CIMAP1C: variants seen among roughly 807,000 people sequenced by gnomAD.
CIMAP1C encodes outer dense fiber of sperm tails 3 like 1.
the CIMAP1C span, chr15:75,724,385 C>G: frequency 4.8e-6 from 5 of 1,045,240 alleles, no homozygotes; most frequent in Non-Finnish European, 7.5e-6. Context: ...CAGCCTGCCT[C>G]CTGCAAAGCC....
chr15:75,727,125 GGGCT>G, the CIMAP1C span: 1 of 1,613,982 alleles, frequency 6.2e-7, no homozygotes, highest in Non-Finnish European at 8.5e-7. Flanking sequence ...GGGGAACGCA[GGGCT>G]CCCCAGTACA....
chr15:75,724,830 A>G, the CIMAP1C span, among the ~76,000 whole-genome samples: 1 of 152,232 alleles, frequency 6.6e-6, no homozygotes, highest in African/African-American at 2.4e-5. Context: ...GAAATAATCC[A>G]CGTCGGATGC....
chr15:75,725,186 C>A, the CIMAP1C span: 1 of 1,613,892 alleles, frequency 6.2e-7, no homozygotes, highest in Non-Finnish European at 8.5e-7. Context: ...AAGGCACCAG[C>A]TTATACCCTG....
the CIMAP1C span, chr15:75,727,265 T>C: frequency 1.2e-6 from 2 of 1,614,064 alleles, no homozygotes; most frequent in African/African-American, 1.3e-5. Context: ...CAGTCTGGCC[T>C]CCAGGGACAA....
At chr15:75,724,254 A>G in the CIMAP1C span, 4 of 1,614,146 alleles carry the variant, frequency 2.5e-6, no homozygotes, top group Non-Finnish European at 3.4e-6. Flanking sequence ...GCACCCAGAA[A>G]AGGAGCCATT....
the CIMAP1C span, chr15:75,727,245 C>T: frequency 1.1e-5 from 18 of 1,614,188 alleles, no homozygotes; most frequent in Non-Finnish European, 1.2e-5. Context: ...AGCCGAGCTG[C>T]TCCCTGCTAC....
the CIMAP1C span, chr15:75,727,636 G>T: frequency 8.1e-7 from 1 of 1,239,768 alleles, no homozygotes; most frequent in Non-Finnish European, 1.1e-6. Context: ...AGCAGAGCCG[G>T]TACCTGCTGA....
chr15:75,725,253 T>G, the CIMAP1C span: 4 of 1,453,596 alleles, frequency 2.8e-6, no homozygotes, highest in Non-Finnish European at 3.9e-6. Flanking sequence ...CGGCTGGGGT[T>G]GGAGCTGTTG....
the CIMAP1C span, chr15:75,724,210 C>G: frequency 6.2e-7 from 1 of 1,613,492 alleles, no homozygotes; most frequent in East Asian, 2.2e-5. Flanking sequence ...ATGAAACTGC[C>G]CAAGGGGACC....
the CIMAP1C span, chr15:75,724,451 C>A: frequency 1.5e-6 from 1 of 687,752 alleles, no homozygotes; most frequent in Non-Finnish European, 2.6e-6. Context: ...CTGACCCTCA[C>A]AGGCAGTGTT....
the CIMAP1C span, chr15:75,727,472 C>T: frequency 6.8e-6 from 11 of 1,612,944 alleles, 1 homozygote; most frequent in South Asian, 9.9e-5. Flanking sequence ...GCCCCACATC[C>T]CTGCTTTCAC....
the CIMAP1C span, among the ~76,000 whole-genome samples, chr15:75,726,880 C>T: frequency 6.6e-6 from 1 of 152,146 alleles, no homozygotes; most frequent in Non-Finnish European, 1.5e-5. Context: ...TCCCAAAGTG[C>T]TGGGATTGCA....
At chr15:75,727,254 A>G in the CIMAP1C span, 6 of 1,613,996 alleles carry the variant, frequency 3.7e-6, no homozygotes, top group Non-Finnish European at 5.1e-6. Context: ...GCTCCCTGCT[A>G]CAGTCTGGCC....
At chr15:75,726,616 A>AT in the CIMAP1C span, among the ~76,000 whole-genome samples, 1 of 151,658 alleles carries the variant, frequency 6.6e-6, no homozygotes, top group Non-Finnish European at 1.5e-5. Context: ...CATCTTATTT[A>AT]TTTATTATTT....
the CIMAP1C span, chr15:75,726,196 T>A: frequency 6.4e-5 from 94 of 1,464,522 alleles, no homozygotes; most frequent in East Asian, 2.2e-3. Context: ...TGGACAGATG[T>A]TGGGGGTTGG....
At chr15:75,725,066 C>G in the CIMAP1C span, 1 of 1,411,032 alleles carries the variant, frequency 7.1e-7, no homozygotes, top group Middle Eastern at 1.8e-4. Context: ...TGCCTCTGAC[C>G]TGGTGGGCCC....
chr15:75,727,441 C>T, the CIMAP1C span: 5 of 1,614,016 alleles, frequency 3.1e-6, no homozygotes, highest in Non-Finnish European at 4.2e-6. Flanking sequence ...CCCACGAGGT[C>T]CAGCAGGTCA....
the CIMAP1C span, chr15:75,726,983 G>A: frequency 1.2e-4 from 179 of 1,542,644 alleles, no homozygotes; most frequent in Middle Eastern, 4.2e-4. Context: ...GGATAACCAG[G>A]ACCATCAGTT....
the CIMAP1C span, chr15:75,727,099 G>C: frequency 1.5e-5 from 24 of 1,613,704 alleles, no homozygotes; most frequent in Non-Finnish European, 2.0e-5. Context: ...ACTACTTTGA[G>C]AAGATCCACC....
Sources: allele counts gnomAD v4.1 joint callset (sites outside exome capture counted in the v4.1 genomes callset), GRCh38; gene constraint gnomAD v4.1.1; transcripts MANE v1.5; gene names NCBI Gene and HGNC (gene_info 2026-07-23, HGNC 2026-07-21).